CALCOCO2: variants seen among roughly 807,000 people sequenced by gnomAD.
The protein encoded by CALCOCO2 is calcium-binding and coiled-coil domain-containing protein 2.
In CALCOCO2, 42 loss-of-function variants were observed where a neutral mutation model predicts 62.5. The ratio of observed to expected loss-of-function variants is 0.67; its 90% CI spans 0.53 to 0.87. The LOEUF is 0.87. CALCOCO2 is among the 40% of genes least tolerant of loss of function. The pLI is 0.00. For missense variants in CALCOCO2, 456 were observed against 515.0 expected (o/e 0.89, Z 1.11); for synonymous variants, 167 against 173.0 (o/e 0.97, Z 0.27).
Position 48,848,080 on chromosome 17 carries a change from C to T in CALCOCO2, c.197C>T (p.Thr66Ile), listed in dbSNP as rs779648908. The change falls in exon 3 of 13, where the codon ACC becomes ATC. Residue 66 changes from threonine (T) to isoleucine (I), a missense_variant. Around this residue, in one of 3 missense-constraint regions of CALCOCO2, gnomAD observed 236 missense variants for 225.3 expected, o/e 1.05. Transcript: ENST00000258947. ...IGIFRVGWKT[T>I]REYYTFMWVT... is the part of the protein sequence containing the mutation. ...TCATTGCAGGTGGGGTGGAAGACAA[C>T]CCGTGAGTATTACACCTTCATGTGG... 1.9e-6 allele frequency: 3 copies of T among 1,610,100 alleles called. No individual in the cohort carries two copies. The highest frequency in any genetic ancestry group is 4.5e-5 in the East Asian group (2 of 44,854).
At chr17:48,844,938 C>T (rs2040025937) in intron 2 of CALCOCO2, among the ~76,000 whole-genome samples, 1 of 152,088 alleles carries the variant, frequency 6.6e-6, no homozygotes, top group Admixed American at 6.5e-5. Flanking sequence ...GAGTTCAAGA[C>T]CAGCCTGGCG....
At chr17:48,852,824 C>CT in intron 8 of CALCOCO2, 102 bp from the exon 9 acceptor site, 1 of 1,011,228 alleles carries the variant, frequency 9.9e-7, no homozygotes, top group East Asian at 2.5e-5. Context: ...TTGCCTCTCC[C>CT]TATGCATCCT....
Position 48,834,706 on chromosome 17 carries a change from A to G in CALCOCO2, c.-11+3628A>G, listed in dbSNP as rs185318327. Among the ~76,000 whole-genome samples, 154 of 152,274 alleles carry G rather than the reference A, an allele frequency of 1.0e-3. 2 individuals carry two copies. The highest frequency in any genetic ancestry group is 3.7e-3 in the African/African-American group (152 of 41,558). On this transcript the variant is annotated intron_variant, in intron 1 of 12. Coordinates refer to ENST00000258947, the MANE Select transcript of CALCOCO2 (RefSeq NM_005831.5). Reference sequence around the variant, plus strand: ...TAGAAATGGATGGTAGACAGGTTCTATAGTGGGAAAGGTGGTTAAAGGAGG... The same window carrying G: ...TAGAAATGGATGGTAGACAGGTTCTGTAGTGGGAAAGGTGGTTAAAGGAGG...
chr17:48,845,937 C>T (rs1410113348), intron 2 of CALCOCO2: 1 of 528,386 alleles, frequency 1.9e-6, no homozygotes, highest in Non-Finnish European at 3.3e-6. Context: ...TGCTGAATTC[C>T]TTTGAGCAAC....
At chr17:48,848,236 C>A in intron 3 of CALCOCO2, 70 bp downstream of exon 3, 2 of 1,522,152 alleles carry the variant, frequency 1.3e-6, no homozygotes, top group Middle Eastern at 1.7e-4. Flanking sequence ...TCAGCTTGAG[C>A]TTTCTGGGGC....
Position 48,859,100 on chromosome 17 carries a change from G to T in CALCOCO2, c.1009-1214G>T, listed in dbSNP as rs139637122. On this transcript the variant is annotated intron_variant, in intron 10 of 12. Coordinates refer to ENST00000258947, the MANE Select transcript of CALCOCO2 (RefSeq NM_005831.5). ...AACTGTAGTAAAGCCCTCTTAAGAT[G>T]ATAAGGGAATTTTGCTTATTTTCTT... Among the ~76,000 whole-genome samples the T allele has an allele frequency of 4.5e-3, 622 of 136,962 alleles. 4 individuals are homozygous for T. Among genetic ancestry groups the T allele is most frequent in the Non-Finnish European group, 8.0e-3 (504 of 63,204 alleles). The allele number at this position is 136,962 out of a possible 152,430, so 89.9% of individuals were successfully genotyped here.
At chr17:48,844,548 T>C (rs1032712681) in intron 2 of CALCOCO2, among the ~76,000 whole-genome samples, 10 of 151,352 alleles carry the variant, frequency 6.6e-5, no homozygotes, top group Non-Finnish European at 1.2e-4. Context: ...TCTGCCTCCC[T>C]GGTTCAAGCG....
chr17:48,845,323 GTGTGTGTGT>G (rs2040034525), intron 2 of CALCOCO2, among the ~76,000 whole-genome samples: 177 of 81,648 alleles, frequency 2.2e-3, no homozygotes, highest in African/African-American at 9.7e-3. Context: ...TGTTGAGGGT[GTGTGTGTGT>G]GTGTGTGTGT....
intron 9 of CALCOCO2, among the ~76,000 whole-genome samples, chr17:48,854,699 C>A (rs1413065399): frequency 6.6e-6 from 1 of 151,640 alleles, no homozygotes; most frequent in East Asian, 2.0e-4. Flanking sequence ...AGCCACTGCA[C>A]CCGGCCAATT....
intron 4 of CALCOCO2, 109 bp from the exon 5 acceptor site, chr17:48,849,143 T>C: frequency 4.2e-6 from 4 of 958,676 alleles, no homozygotes; most frequent in South Asian, 2.9e-5. Flanking sequence ...CTGGGATACA[T>C]AGGTGTCACT....
chr17:48,849,775 A>G (rs1238393207), intron 5 of CALCOCO2, among the ~76,000 whole-genome samples: 1 of 151,732 alleles, frequency 6.6e-6, no homozygotes, highest in Non-Finnish European at 1.5e-5. Context: ...AAGTGCTGGG[A>G]TTATAGGCAT....
rs35356632 is a variant in CALCOCO2 at position 48,864,066 on chromosome 17, C to CTTTTTTTTT, written c.*1072_*1080dup. 1.3e-4 allele frequency: 17 copies of CTTTTTTTTT among 126,454 alleles called. No individual in the cohort carries two copies. Among genetic ancestry groups the CTTTTTTTTT allele is most frequent in the African/African-American group, 1.8e-4 (6 of 33,538 alleles). The allele number at this position is 126,454 out of a possible 1,614,324, so 7.8% of individuals were successfully genotyped here. A position where few individuals can be genotyped will look rare whatever the true frequency, so the allele number is the denominator to read the frequency against. On this transcript the variant is annotated 3_prime_UTR_variant, in exon 13 of 13. Coordinates refer to ENST00000258947, the MANE Select transcript of CALCOCO2 (RefSeq NM_005831.5). ...TCCAAGGCCCTGGCTTGCTTTCTTT[C>CTTTTTTTTT]TTTTTTTTTTTTTTTTTTTGAAACA...
At chr17:48,861,259 C>T (rs2040322341) in intron 11 of CALCOCO2, among the ~76,000 whole-genome samples, 1 of 151,966 alleles carries the variant, frequency 6.6e-6, no homozygotes, top group African/African-American at 2.4e-5. Context: ...CTGCAACCTC[C>T]GTCTCCTGGG....
At chr17:48,858,027 T>TAG (rs1173861691) in intron 10 of CALCOCO2, among the ~76,000 whole-genome samples, 4 of 15,642 alleles carry the variant, frequency 2.6e-4, no homozygotes, top group Non-Finnish European at 6.1e-4. Flanking sequence ...TAGAATAGAA[T>TAG]AGAATAGAAT....
intron 11 of CALCOCO2, among the ~76,000 whole-genome samples, chr17:48,860,887 G>A (rs1261394785): frequency 6.6e-6 from 1 of 152,128 alleles, no homozygotes; most frequent in Admixed American, 6.6e-5. Context: ...CTCCTCGATG[G>A]TAGGACAGGA....
intron 2 of CALCOCO2, among the ~76,000 whole-genome samples, chr17:48,844,882 G>A (rs893052007): frequency 5.9e-5 from 9 of 151,988 alleles, no homozygotes; most frequent in Non-Finnish European, 1.2e-4. Context: ...GCTCACGCCT[G>A]TAATCCCAGG....
chr17:48,849,520 G>C (rs148412623), intron 5 of CALCOCO2, 143 bp downstream of exon 5: 159 of 738,878 alleles, frequency 2.2e-4, no homozygotes, highest in Non-Finnish European at 3.3e-4. Flanking sequence ...TTGTTTGTTT[G>C]TTTGAAATGG....
intron 10 of CALCOCO2, among the ~76,000 whole-genome samples, chr17:48,858,569 A>G (rs772936021): frequency 2.6e-5 from 4 of 151,852 alleles, no homozygotes; most frequent in Admixed American, 6.6e-5. Flanking sequence ...GGCTCAAGCA[A>G]TCCGCCCACC....
intron 1 of CALCOCO2, among the ~76,000 whole-genome samples, chr17:48,833,788 T>A (rs2039850885): frequency 6.6e-6 from 1 of 152,004 alleles, no homozygotes; most frequent in Admixed American, 6.6e-5. Context: ...ATTTAAAAAA[T>A]TTTCTGCTAA....
Sources: gnomAD v4.1 joint callset for allele counts (sites outside exome capture counted in the v4.1 genomes callset) on GRCh38, gnomAD v4.1.1 for gene constraint, gnomAD v4.1.1 regional missense constraint, MANE v1.5 for transcripts, NCBI Gene and HGNC (gene_info 2026-07-23, HGNC 2026-07-21) for gene names.